The following PDE4B variants were observed in gnomAD, a reference collection of about 807,000 sequenced individuals.
PDE4B encodes the protein 3',5'-cyclic-AMP phosphodiesterase 4B.
PDE4B carries 20 observed loss-of-function variants against 82.2 expected under a neutral mutation model. That is an observed-to-expected ratio of 0.24 (90% CI 0.17 to 0.35). The LOEUF (loss-of-function observed/expected upper bound fraction) is 0.35. Among genes scored for constraint, PDE4B ranks in the 10% least tolerant of loss-of-function variants. The pLI is 1.00. For missense variants in PDE4B, 655 were observed against 907.2 expected (o/e 0.72, Z 3.57); for synonymous variants, 320 against 318.9 (o/e 1.00, Z -0.04).
intron 4 of PDE4B, among the ~76,000 whole-genome samples, chr1:66,252,497 T>C (rs1253428399): frequency 6.6e-6 from 1 of 152,220 alleles, no homozygotes; most frequent in Non-Finnish European, 1.5e-5. Context: ...TAGTGTACAG[T>C]TGGGCAAATC....
chr1:65,849,500 C>T (rs751304479), intron 1 of PDE4B, among the ~76,000 whole-genome samples: 10 of 152,038 alleles, frequency 6.6e-5, no homozygotes, highest in African/African-American at 9.7e-5. Context: ...TAGAGTTGTC[C>T]GGCCAGTGAC....
At chr1:66,331,846 C>A (rs1660135743) in intron 7 of PDE4B, 1 of 985,066 alleles carries the variant, frequency 1.0e-6, no homozygotes, top group South Asian at 4.7e-5. Flanking sequence ...ATCAGGGAGA[C>A]CTCATTTTCC....
chr1:65,823,185 C>T (rs1339681419), intron 1 of PDE4B, among the ~76,000 whole-genome samples: 2 of 152,016 alleles, frequency 1.3e-5, no homozygotes, highest in Admixed American at 1.3e-4. Flanking sequence ...ATCGCAAGGT[C>T]AGGAGTTCGA....
chr1:65,981,199 CTAG>C (rs1434758526), intron 3 of PDE4B, among the ~76,000 whole-genome samples: 1 of 152,036 alleles, frequency 6.6e-6, no homozygotes, highest in Non-Finnish European at 1.5e-5. Context: ...AGAAACGTTT[CTAG>C]ATTTTAACAC....
chr1:66,117,385 C>T (rs1241145720), intron 3 of PDE4B, among the ~76,000 whole-genome samples: 1 of 152,030 alleles, frequency 6.6e-6, no homozygotes, highest in Non-Finnish European at 1.5e-5. Flanking sequence ...TCTGTTGTGT[C>T]ACTGATTTAA....
At chr1:66,195,535 ATACT>A (rs894916975) in intron 3 of PDE4B, among the ~76,000 whole-genome samples, 3 of 152,196 alleles carry the variant, frequency 2.0e-5, no homozygotes, top group African/African-American at 7.2e-5. Context: ...TGGTTTACAA[ATACT>A]TAGTTTAAGA....
chr1:66,272,986 T>A (rs1241717267), intron 7 of PDE4B, among the ~76,000 whole-genome samples: 1 of 151,870 alleles, frequency 6.6e-6, no homozygotes, highest in African/African-American at 2.4e-5. Context: ...GAGACAGGGT[T>A]TCACCATGTT....
rs145264260 is a variant in PDE4B at position 66,239,683 on chromosome 1, T to C, written c.282-7777T>C. 7.9e-5 allele frequency among the ~76,000 whole-genome samples: 12 copies of C among 152,260 alleles called. No individual in the cohort carries two copies. In the East Asian group the frequency reaches 2.3e-3, roughly 29 times the overall value. On this transcript the variant is annotated intron_variant, in intron 3 of 16. Transcript: ENST00000341517. ...TGCTTGTGCATTAAATAGTATGACATAGGAACAACACAATGGGAAATTACC... is the reference window on the plus strand; with the variant it reads ...TGCTTGTGCATTAAATAGTATGACACAGGAACAACACAATGGGAAATTACC...
chr1:66,026,019 C>A (rs1653414480), intron 3 of PDE4B, among the ~76,000 whole-genome samples: 1 of 152,138 alleles, frequency 6.6e-6, no homozygotes, highest in Non-Finnish European at 1.5e-5. Flanking sequence ...TGGTCAGTTA[C>A]ATGTTTTATT....
intron 3 of PDE4B, among the ~76,000 whole-genome samples, chr1:66,030,307 G>C (rs906556046): frequency 3.3e-5 from 5 of 152,258 alleles, no homozygotes; most frequent in African/African-American, 1.2e-4. Context: ...TTGACCTGAA[G>C]TTCCCTTTTT....
intron 3 of PDE4B, among the ~76,000 whole-genome samples, chr1:66,114,336 A>G (rs751096583): frequency 6.6e-6 from 1 of 152,234 alleles, no homozygotes; most frequent in Non-Finnish European, 1.5e-5. Flanking sequence ...CATGAATTCT[A>G]TCTCAAAGAT....
intron 6 of PDE4B, among the ~76,000 whole-genome samples, chr1:66,260,827 C>T (rs1480475799): frequency 6.6e-6 from 1 of 152,194 alleles, no homozygotes; most frequent in African/African-American, 2.4e-5. Context: ...TGCCATAGCA[C>T]AGCTGAAGCA....
intron 7 of PDE4B, among the ~76,000 whole-genome samples, chr1:66,310,372 C>G (rs1190750429): frequency 6.6e-6 from 1 of 152,134 alleles, no homozygotes; most frequent in African/African-American, 2.4e-5. Context: ...CCGCTGCCCT[C>G]AGGAGGTGGC....
chr1:66,336,648 G>A (rs1660538717), intron 8 of PDE4B, among the ~76,000 whole-genome samples: 1 of 81,632 alleles, frequency 1.2e-5, no homozygotes, highest in Non-Finnish European at 2.4e-5. Context: ...CTGTGTATTA[G>A]TACTTTTTTT....
At chr1:65,984,222 G>A (rs1350720089) in intron 3 of PDE4B, among the ~76,000 whole-genome samples, 2 of 152,142 alleles carry the variant, frequency 1.3e-5, no homozygotes, top group African/African-American at 4.8e-5. Context: ...ATAAAAACTT[G>A]ATCTTAGCAG....
At chr1:65,916,737 C>T (rs1388551182) in intron 2 of PDE4B, among the ~76,000 whole-genome samples, 1 of 151,840 alleles carries the variant, frequency 6.6e-6, no homozygotes, top group Non-Finnish European at 1.5e-5. Flanking sequence ...CTCTAATTTA[C>T]ACACATAGAC....
At chr1:66,275,309 G>A (rs1655800381) in intron 7 of PDE4B, among the ~76,000 whole-genome samples, 2 of 152,186 alleles carry the variant, frequency 1.3e-5, no homozygotes, top group Admixed American at 1.3e-4. Flanking sequence ...TTCAGGCATA[G>A]GTGTTACAAC....
At chr1:66,096,998 T>A (rs1338759075) in intron 3 of PDE4B, among the ~76,000 whole-genome samples, 3 of 152,028 alleles carry the variant, frequency 2.0e-5, no homozygotes, top group African/African-American at 4.8e-5. Context: ...ATTTATGTAC[T>A]TCTCAGCTAA....
intron 3 of PDE4B, among the ~76,000 whole-genome samples, chr1:66,065,526 T>G (rs1655799696): frequency 6.6e-6 from 1 of 151,842 alleles, no homozygotes; most frequent in South Asian, 2.1e-4. Context: ...ATACGTTGCT[T>G]TTCTTTTTTC....
Sources: gnomAD v4.1 joint callset for allele counts (sites outside exome capture counted in the v4.1 genomes callset) on GRCh38, gnomAD v4.1.1 for gene constraint, MANE v1.5 for transcripts, NCBI Gene and HGNC (gene_info 2026-07-23, HGNC 2026-07-21) for gene names.